Variants in RPGRIP1L observed in about 807,000 individuals in gnomAD.
The protein encoded by RPGRIP1L is protein fantom.
RPGRIP1L carries 131 observed loss-of-function variants against 160.4 expected under a neutral mutation model. The ratio of observed to expected loss-of-function variants is 0.82; its 90% CI spans 0.71 to 0.94. The LOEUF is 0.94. RPGRIP1L is among the 40% of genes least tolerant of loss of function. The probability of loss-of-function intolerance (pLI) is 0.00; values close to 1 mark genes in which losing one functional copy is unlikely to be tolerated. For missense variants in RPGRIP1L, 1,522 were observed against 1,535.8 expected, an observed-to-expected ratio of 0.99 and a Z score of 0.15; for synonymous variants, 510 against 515.8, an observed-to-expected ratio of 0.99 and a Z score of 0.15.
chr16:53,666,802 T>A (rs757995190), intron 9 of RPGRIP1L, among the ~76,000 whole-genome samples: 4 of 152,078 alleles, frequency 2.6e-5, no homozygotes, highest in Non-Finnish European at 4.4e-5. Flanking sequence ...TCAGAAGCTG[T>A]ATGTGTTTAA....
At chr16:53,658,485 G>C (rs778714627) in intron 11 of RPGRIP1L, 21 bp from the exon 12 acceptor site, 4 of 1,573,590 alleles carry the variant, frequency 2.5e-6, no homozygotes, top group Non-Finnish European at 3.5e-6. Context: ...TTAAGTAAAA[G>C]CTCACAATGA....
chr16:53,684,519 C>CA (rs1969847580), intron 6 of RPGRIP1L, among the ~76,000 whole-genome samples: 1 of 151,462 alleles, frequency 6.6e-6, no homozygotes, highest in African/African-American at 2.4e-5. Context: ...CGCATGTTCT[C>CA]ACTCATAGGT....
chr16:53,673,118 A>G (rs1255445451), intron 7 of RPGRIP1L, 102 bp from the exon 8 acceptor site: 11 of 1,158,002 alleles, frequency 9.5e-6, no homozygotes, highest in Non-Finnish European at 1.4e-5. Flanking sequence ...AAATGAATTT[A>G]CTCCCGAAGT....
intron 24 of RPGRIP1L, among the ~76,000 whole-genome samples, chr16:53,611,770 A>C (rs961545376): frequency 2.0e-5 from 3 of 152,240 alleles, no homozygotes; most frequent in African/African-American, 7.2e-5. Context: ...ATGGCATTTC[A>C]ATGTGCGAAC....
At chr16:53,651,788 T>C (rs2151118836) in intron 15 of RPGRIP1L, among the ~76,000 whole-genome samples, 1 of 152,270 alleles carries the variant, frequency 6.6e-6, no homozygotes, top group South Asian at 2.1e-4. Context: ...TTTGTCTGTC[T>C]TATTTACCAC....
chr16:53,686,145 C>T (rs907214121), intron 6 of RPGRIP1L, among the ~76,000 whole-genome samples: 10 of 152,144 alleles, frequency 6.6e-5, no homozygotes, highest in African/African-American at 2.4e-4. Context: ...CAAATGGTAT[C>T]AGAACTTCCT....
At chr16:53,670,054 A>G (rs1230644280) in intron 9 of RPGRIP1L, among the ~76,000 whole-genome samples, 1 of 152,168 alleles carries the variant, frequency 6.6e-6, no homozygotes, top group Non-Finnish European at 1.5e-5. Flanking sequence ...AAACACACAT[A>G]TGATTTTAAC....
At chr16:53,662,834 A>T (rs1967921466) in intron 10 of RPGRIP1L, among the ~76,000 whole-genome samples, 1 of 152,084 alleles carries the variant, frequency 6.6e-6, no homozygotes, top group Non-Finnish European at 1.5e-5. Context: ...TTAGAAAATA[A>T]TCGGATAAAT....
intron 23 of RPGRIP1L, among the ~76,000 whole-genome samples, chr16:53,621,191 T>A (rs1964683185): frequency 6.6e-6 from 1 of 152,174 alleles, no homozygotes; most frequent in Admixed American, 6.5e-5. Flanking sequence ...ACAATCCCCA[T>A]ATGAAAACTT....
At chr16:53,605,788 T>G (rs1023352479) in intron 25 of RPGRIP1L, among the ~76,000 whole-genome samples, 174 bp from the exon 26 acceptor site, 1 of 152,222 alleles carries the variant, frequency 6.6e-6, no homozygotes, top group Non-Finnish European at 1.5e-5. Context: ...ATTAGAATTG[T>G]TATAAAACAC....
chr16:53,668,864 T>C (rs1462787598), intron 9 of RPGRIP1L, among the ~76,000 whole-genome samples: 1 of 152,192 alleles, frequency 6.6e-6, no homozygotes, highest in African/African-American at 2.4e-5. Flanking sequence ...TTTTAGCATA[T>C]TAAAAAATGC....
intron 22 of RPGRIP1L, among the ~76,000 whole-genome samples, chr16:53,631,409 C>G (rs1213978747): frequency 6.6e-6 from 1 of 152,186 alleles, no homozygotes; most frequent in African/African-American, 2.4e-5. Context: ...ATTGCTCTTT[C>G]AGCCTGTAAT....
chr16:53,657,556 C>G lies in RPGRIP1L; in HGVS notation c.1478G>C (p.Arg493Pro). 1 of 1,604,924 alleles carries G rather than the reference C, an allele frequency of 6.2e-7. No homozygotes were observed. Among genetic ancestry groups the G allele is most frequent in the African/African-American group, 1.3e-5 (1 of 74,768 alleles). Reference protein sequence around the residue: ...VDSEINKDLERSMRELQATHA... With the variant: ...VDSEINKDLEPSMRELQATHA... ...AGTTGCTTGCAGCTCTCTCATAGAG[C>G]GTTCTAGATCTTTATTAATTTCACT... Residue 493 changes from arginine (R) to proline (P), a missense_variant, in exon 13 of 27, where the codon CGC becomes CCC. Coordinates refer to ENST00000647211, the MANE Select transcript of RPGRIP1L (RefSeq NM_015272.5).
In RPGRIP1L at chr16:53,692,103, T is replaced by C. The variant is rs1268100687; in HGVS notation, c.492A>G (p.Ala164=). 1.2e-6 allele frequency: 2 copies of C among 1,614,224 alleles called. No homozygotes were observed. Among genetic ancestry groups the C allele is most frequent in the East Asian group, 4.5e-5 (2 of 44,882 alleles). The change falls in exon 4 of 27, where the codon GCA becomes GCG. Residue 164 remains alanine, a synonymous_variant. Coordinates refer to ENST00000647211, the MANE Select transcript of RPGRIP1L (RefSeq NM_015272.5). ...ATTCCTGTAAACCAGCATTTTCATT[T>C]GCTTTTCTACGCCCAGTGTTAATAC... ...QSRINTGRRK[A]NENAGLQECP...
At chr16:53,665,980 G>C (rs1467673924) in intron 9 of RPGRIP1L, among the ~76,000 whole-genome samples, 1 of 152,138 alleles carries the variant, frequency 6.6e-6, no homozygotes, top group Non-Finnish European at 1.5e-5. Flanking sequence ...CATTATCTAT[G>C]AAGCTTGATA....
At position 53,609,200 on chromosome 16, in the gene RPGRIP1L, C is replaced by G. The variant is rs547376628; in HGVS notation, c.3701+1767G>C. 3.9e-3 allele frequency among the ~76,000 whole-genome samples: 594 copies of G among 151,678 alleles called. 4 individuals are homozygous for G. Among genetic ancestry groups the G allele is most frequent in the Non-Finnish European group, 5.4e-3 (367 of 67,900 alleles). ...AACTCCTGGGCTCAAGCGGTCCTTC[C>G]TCCTCAACCTTCATAGTAGCTGGGA... On this transcript the variant is annotated intron_variant, in intron 25 of 26. Transcript: ENST00000647211.
Position 53,610,956 on chromosome 16 carries a change from C to G in RPGRIP1L, c.3701+11G>C. On this transcript the variant is annotated intron_variant, in intron 25 of 26. Coordinates refer to ENST00000647211, the MANE Select transcript of RPGRIP1L (RefSeq NM_015272.5). Reference sequence around the variant, plus strand: ...GTAAACCATTAGATTATTTGGACTGCCAAAACATACCTTCTATTAGGCATC... The same window carrying G: ...GTAAACCATTAGATTATTTGGACTGGCAAAACATACCTTCTATTAGGCATC... 1.3e-6 allele frequency: 2 copies of G among 1,586,180 alleles called. No homozygotes were observed. The highest frequency in any genetic ancestry group is 1.7e-6 in the Non-Finnish European group (2 of 1,154,638).
chr16:53,675,641 A>G (rs1021253972), intron 6 of RPGRIP1L, among the ~76,000 whole-genome samples: 3 of 152,140 alleles, frequency 2.0e-5, no homozygotes, highest in African/African-American at 7.2e-5. Context: ...ACTTTTCAAA[A>G]TATTTGCAAA....
chr16:53,612,260 A>G (rs1318584495), intron 24 of RPGRIP1L, among the ~76,000 whole-genome samples: 1 of 152,202 alleles, frequency 6.6e-6, no homozygotes, highest in African/African-American at 2.4e-5. Context: ...GCCAAAGTCA[A>G]ACACCAGCTC....
Sources: allele counts gnomAD v4.1 joint callset (sites outside exome capture counted in the v4.1 genomes callset), GRCh38; gene constraint gnomAD v4.1.1; transcripts MANE v1.5; gene names NCBI Gene and HGNC (gene_info 2026-07-23, HGNC 2026-07-21).